HSPG2: variants seen among roughly 807,000 people sequenced by gnomAD.
The protein encoded by HSPG2 is basement membrane-specific heparan sulfate proteoglycan core protein.
HSPG2 carries 278 observed loss-of-function variants against 526.6 expected under a neutral mutation model. The ratio of observed to expected loss-of-function variants is 0.53; its 90% confidence interval spans 0.48 to 0.58. HSPG2 has a LOEUF of 0.58. Ranked by LOEUF, HSPG2 falls within the 20% of genes least tolerant of loss-of-function variation. The pLI is 0.00. For missense variants in HSPG2, 5,354 were observed against 6,099.5 expected (o/e 0.88, Z 4.07); for synonymous variants, 2,465 against 2,555.4 (o/e 0.96, Z 1.07).
At chr1:21,843,195 C>T in intron 66 of HSPG2, 102 bp downstream of exon 66, 1 of 1,532,982 alleles carries the variant, frequency 6.5e-7, no homozygotes, top group Admixed American at 1.7e-5. Flanking sequence ...ACCCCGCCTG[C>T]AGGCAACAAT....
At position 21,832,694 on chromosome 1, in the gene HSPG2, C is replaced by T. The variant is rs952641367; in HGVS notation, c.11096-88G>A. The T allele has an allele frequency of 6.3e-6, 6 of 959,024 alleles. No homozygotes were observed. In the African/African-American group the frequency reaches 8.0e-5, roughly 13 times the overall value. 59.4% of individuals were successfully genotyped at this position (959,024 alleles called of 1,614,324 possible). A position where few individuals can be genotyped will look rare whatever the true frequency, so the allele number is the denominator to read the frequency against. On this transcript the variant is annotated intron_variant, in intron 80 of 96. Transcript: ENST00000374695. ...CCTAGAAACCACCCAAGCTCTTGAGCCTGTCCACTCTCGGAACCTGTCCCT... is the reference window on the plus strand; with the variant it reads ...CCTAGAAACCACCCAAGCTCTTGAGTCTGTCCACTCTCGGAACCTGTCCCT...
intron 1 of HSPG2, among the ~76,000 whole-genome samples, chr1:21,934,329 G>A (rs1346445021): frequency 6.6e-6 from 1 of 152,184 alleles, no homozygotes; most frequent in Non-Finnish European, 1.5e-5. Context: ...TGGGAGCCTG[G>A]GCTAGGAATT....
intron 38 of HSPG2, 67 bp from the exon 39 acceptor site, chr1:21,861,910 G>A: frequency 1.9e-6 from 3 of 1,613,238 alleles, no homozygotes; most frequent in Non-Finnish European, 2.5e-6. Flanking sequence ...CTTCACTTCT[G>A]CCCCAAAAGC....
chr1:21,841,506 G>C (rs986956583), intron 70 of HSPG2, 33 bp downstream of exon 70: 4 of 1,613,822 alleles, frequency 2.5e-6, no homozygotes, highest in Non-Finnish European at 3.4e-6. Flanking sequence ...GCTGGAAACA[G>C]GGCAGAGCCC....
In HSPG2 at chr1:21,833,349, A is replaced by C; in HGVS notation, c.11014T>G (p.Ser3672Ala). 6.2e-7 allele frequency: 1 copy of C among 1,614,002 alleles called. No homozygotes were observed. ...VVPYFTQTPY[S>A]FLPLPTIKDA... Reference sequence around the variant, plus strand: ...TTGATGGTGGGCAGCGGTAGGAAGGAGTAGGGGGTCTGCGTGAAGTAGGGC... The same window carrying C: ...TTGATGGTGGGCAGCGGTAGGAAGGCGTAGGGGGTCTGCGTGAAGTAGGGC... Residue 3672 changes from serine (S) to alanine (A), a missense_variant, in exon 80 of 97, where the codon TCC (serine) becomes GCC (alanine). By Grantham distance (99) the Ser-to-Ala change is moderately conservative. Coordinates refer to ENST00000374695, the MANE Select transcript of HSPG2 (RefSeq NM_005529.7).
intron 17 of HSPG2, 58 bp from the exon 18 acceptor site, chr1:21,879,179 C>A: frequency 6.2e-7 from 1 of 1,606,996 alleles, no homozygotes; most frequent in Admixed American, 1.7e-5. Flanking sequence ...CCAGATGCTG[C>A]GGGGGACCTT....
At position 21,828,093 on chromosome 1, in the gene HSPG2, C is replaced by T. The variant is rs1444071159; in HGVS notation, c.12469G>A (p.Gly4157Ser). Residue 4157 changes from glycine (G) to serine (S), a missense_variant, in exon 90 of 97, where the codon GGC (glycine) becomes AGC (serine). Coordinates refer to ENST00000374695, the MANE Select transcript of HSPG2 (RefSeq NM_005529.7). This position sits in a 1 kb window ranked among gnomAD's most constrained non-coding sequence, Gnocchi z 6.0. ...AGGCAGCGGGTGCCCTGGCAGGTGC[C>T]CCCATGCAGACAGGGTTCACGGAGC... ...CQLREPCLHG[G>S]TCQGTRCLCL... 6.2e-7 allele frequency: 1 copy of T among 1,613,022 alleles called. No homozygotes were observed. The highest frequency in any genetic ancestry group is 8.5e-7 in the Non-Finnish European group (1 of 1,179,898).
Position 21,851,671 on chromosome 1 carries a change from T to C in HSPG2, c.7033A>G (p.Ile2345Val). 2 of 1,613,998 alleles carry C rather than the reference T, an allele frequency of 1.2e-6. No homozygotes were observed. The highest frequency in any genetic ancestry group is 1.7e-6 in the Non-Finnish European group (2 of 1,180,010). ...GCCACTTGCGAGGAGGAGGGCTCGA[T>C]GCGGATGGGCTGGGTGCTGCCGGCA... ...YPAGSTQPIRIEPSSSQVAEG... is the reference protein window; with the variant it reads ...YPAGSTQPIRVEPSSSQVAEG... Residue 2345 changes from isoleucine to valine, a missense_variant, in exon 55 of 97, where the codon ATC becomes GTC. Coordinates refer to ENST00000374695, the MANE Select transcript of HSPG2 (RefSeq NM_005529.7).
rs559209816 is a variant in HSPG2 at position 21,851,718 on chromosome 1, C to T, written c.7007-21G>A. On this transcript the variant is annotated intron_variant, in intron 54 of 96. Coordinates refer to ENST00000374695, the MANE Select transcript of HSPG2 (RefSeq NM_005529.7). ...GGCAGCTGAGGGATAAGATGGTCAC[C>T]GGTCACTCCTGTTCTCTGAAGCCAC... 4.0e-5 allele frequency: 65 copies of T among 1,613,932 alleles called. No individual in the cohort carries two copies. In the East Asian group the frequency reaches 8.7e-4, roughly 22 times the overall value.
At position 21,864,072 on chromosome 1, in the gene HSPG2, C is replaced by A; in HGVS notation, c.4740+28G>T. ...CCACCCAGGCCCAGCTGAGCTGACC[C>A]CCTGTCCTGGCCTCGCTTGCAGCTC... is the stretch of plus-strand genomic sequence containing the variant. On this transcript the variant is annotated intron_variant, in intron 37 of 96. Transcript: ENST00000374695. The surrounding 1 kb of genome is among the most constrained non-coding windows in gnomAD (Gnocchi z 4.8). 6.6e-7 allele frequency: 1 copy of A among 1,519,684 alleles called. No individual in the cohort carries two copies. Among genetic ancestry groups the A allele is most frequent in the Non-Finnish European group, 8.9e-7 (1 of 1,119,534 alleles). 94.1% of individuals were successfully genotyped at this position (1,519,684 alleles called of 1,614,324 possible).
At chr1:21,857,255 TC>T in intron 43 of HSPG2, 29 bp downstream of exon 43, 1 of 1,613,788 alleles carries the variant, frequency 6.2e-7, no homozygotes, top group Non-Finnish European at 8.5e-7. Flanking sequence ...AAGACAGACT[TC>T]CTCCATCCCC....
chr1:21,865,215 C>A lies in HSPG2; in HGVS notation c.4395+70G>T. On this transcript the variant is annotated intron_variant, in intron 35 of 96. Transcript: ENST00000374695. This position sits in a 1 kb window ranked among gnomAD's most constrained non-coding sequence, Gnocchi z 5.4. ...GGGGAGCGAGAGACAGGGTGGGTATCAAAGCCAGGCTCTGAGTCAGGGTGG... is the reference window on the plus strand; with the variant it reads ...GGGGAGCGAGAGACAGGGTGGGTATAAAAGCCAGGCTCTGAGTCAGGGTGG... 6.4e-7 allele frequency: 1 copy of A among 1,554,600 alleles called. No individual in the cohort carries two copies. The highest frequency in any genetic ancestry group is 8.9e-7 in the Non-Finnish European group (1 of 1,125,920).
intron 1 of HSPG2, among the ~76,000 whole-genome samples, chr1:21,925,334 C>T (rs981230155): frequency 6.6e-6 from 1 of 152,200 alleles, no homozygotes; most frequent in South Asian, 2.1e-4. Context: ...AACAACACAA[C>T]GCGGGACCTG....
chr1:21,889,259 G>T (rs1642174541), intron 6 of HSPG2, among the ~76,000 whole-genome samples: 1 of 152,184 alleles, frequency 6.6e-6, no homozygotes, highest in African/African-American at 2.4e-5. Context: ...ACCTGTGAAG[G>T]ATGAACTAGG....
At position 21,898,614 on chromosome 1, in the gene HSPG2, C is replaced by T. The variant is rs944580247; in HGVS notation, c.64-2304G>A. ...CCGTAAGACCAGCCCCTACCAGGCG[C>T]TCTGCCTCCTTCCCTGGGTGGGGTA... On this transcript the variant is annotated intron_variant, in intron 1 of 96. Coordinates refer to ENST00000374695, the MANE Select transcript of HSPG2 (RefSeq NM_005529.7). The surrounding 1 kb of genome is among the most constrained non-coding windows in gnomAD (Gnocchi z 4.0). Among the ~76,000 whole-genome samples the T allele has an allele frequency of 6.6e-6, 1 of 152,252 alleles. No homozygotes were observed. The highest frequency in any genetic ancestry group is 1.5e-5 in the Non-Finnish European group (1 of 68,046).
chr1:21,932,843 T>C (rs1042573181), intron 1 of HSPG2, among the ~76,000 whole-genome samples: 10 of 152,172 alleles, frequency 6.6e-5, no homozygotes, highest in African/African-American at 1.4e-4. Context: ...GGTGGGAGGA[T>C]AGCTTGAGTT....
At position 21,824,954 on chromosome 1, in the gene HSPG2, T is replaced by G. The variant is rs918565578; in HGVS notation, c.12590-175A>C. ...AATTCAGGGAGCCTATGACCTTGGA[T>G]GGGAAAGCATTACACCTCAATTTCA... On this transcript the variant is annotated intron_variant, in intron 91 of 96. Transcript: ENST00000374695. This position sits in a 1 kb window ranked among gnomAD's most constrained non-coding sequence, Gnocchi z 5.9. The G allele has an allele frequency of 6.0e-6, 4 of 665,626 alleles. No homozygotes were observed. Among genetic ancestry groups the G allele is most frequent in the African/African-American group, 1.8e-5 (1 of 55,784 alleles). The allele number at this position is 665,626 out of a possible 1,614,324, so 41.2% of individuals were successfully genotyped here. A position where few individuals can be genotyped will look rare whatever the true frequency, so the allele number is the denominator to read the frequency against.
chr1:21,822,288 C>T lies in HSPG2; in HGVS notation c.*1028G>A, dbSNP rs1380816629. 6.7e-7 allele frequency: 1 copy of T among 1,492,876 alleles called. No homozygotes were observed. The highest frequency in any genetic ancestry group is 9.3e-7 in the Non-Finnish European group (1 of 1,071,212). 92.5% of individuals were successfully genotyped at this position (1,492,876 alleles called of 1,614,324 possible). A position where few individuals can be genotyped will look rare whatever the true frequency, so the allele number is the denominator to read the frequency against. ...TATTAAGAAAAATCAAGACAAAGAC[C>T]ACAGGAGGGTCCCTTCTAGGACACA... On this transcript the variant is annotated 3_prime_UTR_variant, in exon 97 of 97. Transcript: ENST00000374695.
chr1:21,852,170 T>C lies in HSPG2; in HGVS notation c.6788A>G (p.Asp2263Gly). Reference sequence around the variant, plus strand: ...CTGCCCTGCCACCACGCAGCTCAGATCCAGGGTCTGGCCCTCGGCCACTGT... The same window carrying C: ...CTGCCCTGCCACCACGCAGCTCAGACCCAGGGTCTGGCCCTCGGCCACTGT... ...SSTVAEGQTL[D>G]LSCVVAGQAH... Residue 2263 changes from aspartate to glycine, a missense_variant, in exon 53 of 97, where the codon GAT (aspartate) becomes GGT (glycine). Transcript: ENST00000374695. 1 of 1,614,014 alleles carries C rather than the reference T, an allele frequency of 6.2e-7. No homozygotes were observed. The highest frequency in any genetic ancestry group is 8.5e-7 in the Non-Finnish European group (1 of 1,180,040).
Sources: gnomAD v4.1 joint callset for allele counts (sites outside exome capture counted in the v4.1 genomes callset) on GRCh38, gnomAD v4.1.1 for gene constraint, Gnocchi (gnomAD v3.1) non-coding constraint, MANE v1.5 for transcripts, NCBI Gene and HGNC (gene_info 2026-07-23, HGNC 2026-07-21) for gene names.